Variants in RAPH1 observed in about 807,000 individuals in gnomAD.
RAPH1 encodes the protein Ras association (RalGDS/AF-6) and pleckstrin homology domains 1, also known as ras-associated and pleckstrin homology domains-containing protein 1.
Under a neutral mutation model 88.1 loss-of-function variants are expected in RAPH1, and 18 were observed. The observed-to-expected ratio is 0.20, with a 90% CI of 0.14 to 0.30. The LOEUF (loss-of-function observed/expected upper bound fraction) is 0.30. Among genes scored for constraint, RAPH1 ranks in the 10% least tolerant of loss-of-function variants. The pLI is 1.00. For missense variants in RAPH1, 1,448 were observed against 1,543.2 expected (o/e 0.94, Z 1.03); for synonymous variants, 587 against 559.0 (o/e 1.05, Z -0.71).
chr2:203,457,636 A>G, intron 7 of RAPH1, 41 bp from the exon 8 acceptor site: 2 of 1,420,018 alleles, frequency 1.4e-6, no homozygotes, highest in Non-Finnish European at 2.0e-6. Flanking sequence ...TGGGAGAGAA[A>G]AAAAGAAGGT....
intron 3 of RAPH1, 145 bp from the exon 4 acceptor site, chr2:203,490,234 C>T (rs1308311503): frequency 1.2e-6 from 1 of 818,312 alleles, no homozygotes; most frequent in Non-Finnish European, 1.8e-6. Context: ...GTTTTAAATT[C>T]CAAGATAAAT....
chr2:203,460,109 A>G, intron 6 of RAPH1, 81 bp from the exon 7 acceptor site: 2 of 1,216,178 alleles, frequency 1.6e-6, no homozygotes. Flanking sequence ...GAAGTAGTTA[A>G]CCTCAGAACC....
At chr2:203,477,937 A>AT (rs776079066) in intron 4 of RAPH1, among the ~76,000 whole-genome samples, 2 of 151,348 alleles carry the variant, frequency 1.3e-5, no homozygotes, top group South Asian at 2.1e-4. Context: ...CCAGCCACTC[A>AT]TTTTTCCCTT....
At chr2:203,468,701 C>T (rs563164650) in intron 4 of RAPH1, among the ~76,000 whole-genome samples, 2 of 152,142 alleles carry the variant, frequency 1.3e-5, no homozygotes, top group South Asian at 2.1e-4. Context: ...GTTCATGGCT[C>T]AATAAATATT....
In RAPH1 at chr2:203,448,896, T is replaced by G; in HGVS notation, c.1414-60A>C. The G allele has an allele frequency of 9.0e-7, 1 of 1,107,720 alleles. No homozygotes were observed. 68.6% of individuals were successfully genotyped at this position (1,107,720 alleles called of 1,614,324 possible). On this transcript the variant is annotated intron_variant, in intron 10 of 13. Transcript: ENST00000319170. This position sits in a 1 kb window ranked among gnomAD's most constrained non-coding sequence, Gnocchi z 4.1. Reference sequence around the variant, plus strand: ...TTGGAGAACTAAAGAAAAACAAACTTTATCAAAGCTTAAACATATCCTGAC... The same window carrying G: ...TTGGAGAACTAAAGAAAAACAAACTGTATCAAAGCTTAAACATATCCTGAC...
At chr2:203,518,548 A>AC (rs200168587) in intron 1 of RAPH1, among the ~76,000 whole-genome samples, 27 of 150,880 alleles carry the variant, frequency 1.8e-4, no homozygotes, top group East Asian at 1.6e-3. Flanking sequence ...ACAAAAAAAA[A>AC]ACAAAAAACT....
intron 1 of RAPH1, among the ~76,000 whole-genome samples, chr2:203,499,494 G>T (rs1038361902): frequency 7.2e-5 from 11 of 152,098 alleles, no homozygotes; most frequent in African/African-American, 2.4e-4. Context: ...GGCCAAGGCG[G>T]ATGGATCACC....
intron 4 of RAPH1, among the ~76,000 whole-genome samples, chr2:203,475,861 A>C (rs2105759956): frequency 6.6e-6 from 1 of 151,976 alleles, no homozygotes; most frequent in East Asian, 1.9e-4. Context: ...AGTGGCAGCT[A>C]AGCATTTACA....
At chr2:203,495,451 A>G in intron 1 of RAPH1, 98 bp from the exon 2 acceptor site, 1 of 1,189,824 alleles carries the variant, frequency 8.4e-7, no homozygotes, top group South Asian at 1.7e-5. Context: ...ATGCCTCTGA[A>G]GTCAAATCTT....
At position 203,472,895 on chromosome 2, in the gene RAPH1, A is replaced by G. The variant is rs370679272; in HGVS notation, c.733-10970T>C. On this transcript the variant is annotated intron_variant, in intron 4 of 13. Transcript: ENST00000319170. ...GTATGAGGCAATGATATTTAATTGT[A>G]TCTGATTAATGACACAGAAATAGAA... 1.2e-3 allele frequency among the ~76,000 whole-genome samples: 188 copies of G among 152,344 alleles called. 1 individual carries two copies. Among genetic ancestry groups the G allele is most frequent in the African/African-American group, 4.3e-3 (179 of 41,580 alleles).
In RAPH1 at chr2:203,457,613, T is replaced by C. The variant is rs1446459195; in HGVS notation, c.1093-18A>G. The C allele has an allele frequency of 6.4e-7, 1 of 1,554,898 alleles. No homozygotes were observed. The highest frequency in any genetic ancestry group is 8.9e-7 in the Non-Finnish European group (1 of 1,126,454). On this transcript the variant is annotated intron_variant, in intron 7 of 13. Coordinates refer to ENST00000319170, the MANE Select transcript of RAPH1 (RefSeq NM_213589.3). Reference sequence around the variant, plus strand: ...AGATAATTCTGGAAAAACAAACATATGGAAGGGATGGGTGGGAGAGAAAAA... The same window carrying C: ...AGATAATTCTGGAAAAACAAACATACGGAAGGGATGGGTGGGAGAGAAAAA...
intron 1 of RAPH1, among the ~76,000 whole-genome samples, chr2:203,495,554 T>A (rs960200227): frequency 5.9e-5 from 9 of 152,312 alleles, no homozygotes; most frequent in African/African-American, 2.2e-4. Context: ...AAGTTTCAAA[T>A]TTTTTAGGAA....
chr2:203,446,318 A>AAAAAAGCCATTC (rs1352122743), intron 12 of RAPH1: 1 of 152,182 alleles, frequency 6.6e-6, no homozygotes, highest in Non-Finnish European at 1.5e-5. Flanking sequence ...ATCATAGAGG[A>AAAAAAGCCATTC]AAAAAGCCAT....
chr2:203,461,160 T>G (rs2098523924), intron 6 of RAPH1, 89 bp downstream of exon 6: 1 of 598,048 alleles, frequency 1.7e-6, no homozygotes, highest in Non-Finnish European at 2.5e-6. Context: ...TATATATATA[T>G]AAAGATAACT....
In RAPH1 at chr2:203,438,113, G is replaced by T. The variant is rs763528983; in HGVS notation, c.*1324C>A. ...AACGTAATGTCAGTTACTGGACTTG[G>T]ACTGTCCCACTCCATCAGAACACCT... On this transcript the variant is annotated 3_prime_UTR_variant, in exon 14 of 14. Coordinates refer to ENST00000319170, the MANE Select transcript of RAPH1 (RefSeq NM_213589.3). 2 of 518,154 alleles carry T rather than the reference G, an allele frequency of 3.9e-6. No homozygotes were observed. The highest frequency in any genetic ancestry group is 1.9e-5 in the Admixed American group (1 of 51,506). The allele number at this position is 518,154 out of a possible 1,614,324, so 32.1% of individuals were successfully genotyped here.
intron 4 of RAPH1, among the ~76,000 whole-genome samples, chr2:203,472,969 G>A (rs1354015209): frequency 1.3e-5 from 2 of 152,024 alleles, no homozygotes. Context: ...ATAAAAAGAG[G>A]GTAATCATTA....
intron 1 of RAPH1, among the ~76,000 whole-genome samples, chr2:203,497,243 C>T (rs1333518323): frequency 6.6e-6 from 1 of 152,132 alleles, no homozygotes; most frequent in Admixed American, 6.5e-5. Context: ...ACACCAAATG[C>T]CAGTGTTTTA....
intron 3 of RAPH1, 108 bp downstream of exon 3, chr2:203,491,106 G>A (rs1581349844): frequency 1.7e-6 from 1 of 588,964 alleles, no homozygotes; most frequent in Non-Finnish European, 2.9e-6. Context: ...GTCGAGTTAT[G>A]CATGTAGCTT....
At chr2:203,515,993 A>C (rs1689587509) in intron 1 of RAPH1, among the ~76,000 whole-genome samples, 1 of 152,260 alleles carries the variant, frequency 6.6e-6, no homozygotes, top group African/African-American at 2.4e-5. Context: ...ATTGATCTAA[A>C]GATAATAGTT....
Sources: gnomAD v4.1 joint callset for allele counts (sites outside exome capture counted in the v4.1 genomes callset) on GRCh38, gnomAD v4.1.1 for gene constraint, Gnocchi (gnomAD v3.1) non-coding constraint, MANE v1.5 for transcripts, NCBI Gene and HGNC (gene_info 2026-07-23, HGNC 2026-07-21) for gene names.